The following SULT6B1 variants were observed in gnomAD, a reference collection of about 807,000 sequenced individuals.
SULT6B1 encodes sulfotransferase family 6B member 1, also known as sulfotransferase 6B1.
Under a neutral mutation model 37.2 loss-of-function variants are expected in SULT6B1, and 44 were observed. That is an observed-to-expected ratio of 1.18 (90% CI 0.93 to 1.52). SULT6B1 has a LOEUF of 1.52. Ranked by LOEUF, SULT6B1 falls within the 40% of genes most tolerant of loss-of-function variation. The pLI, the probability that SULT6B1 is intolerant of heterozygous loss-of-function variation, is 0.00. For missense variants in SULT6B1, 450 were observed against 361.0 expected, an observed-to-expected ratio of 1.25 and a Z score of -2.00; for synonymous variants, 140 against 126.0, an observed-to-expected ratio of 1.11 and a Z score of -0.74.
intron 1 of SULT6B1, chr2:37,195,955 G>C (rs1021178179): frequency 6.6e-6 from 1 of 152,312 alleles, no homozygotes; most frequent in Non-Finnish European, 1.5e-5. Flanking sequence ...CCCGGTAGCT[G>C]GGACTACAGG....
intron 5 of SULT6B1, 107 bp from the exon 6 acceptor site, chr2:37,171,697 A>T: frequency 2.1e-6 from 2 of 955,550 alleles, no homozygotes; most frequent in Non-Finnish European, 3.1e-6. Context: ...TCCCTAGTTC[A>T]TCTCATCCCC....
upstream of SULT6B1, among the ~76,000 whole-genome samples, chr2:37,193,582 A>AAGAAGAAGAAGAAGAAGAAG (rs1558454824): frequency 8.0e-6 from 1 of 125,338 alleles, no homozygotes; most frequent in Admixed American, 8.1e-5. Flanking sequence ...AAAAGAAGAA[A>AAGAAGAAGAAGAAGAAGAAG]AAGAAGAAGA....
chr2:37,183,634 T>TCTC (rs1572463396), intron 2 of SULT6B1, 120 bp from the exon 3 acceptor site: 1 of 677,694 alleles, frequency 1.5e-6, no homozygotes, highest in Non-Finnish European at 2.5e-6. Flanking sequence ...CACTATATCT[T>TCTC]CTCCTCCTCC....
chr2:37,194,052 A>G (rs1023718027), intron 1 of SULT6B1, among the ~76,000 whole-genome samples: 1 of 152,236 alleles, frequency 6.6e-6, no homozygotes, highest in African/African-American at 2.4e-5. Context: ...TGACATTTCT[A>G]TACAATTATT....
chr2:37,184,351 C>G (rs1676623956), intron 2 of SULT6B1, among the ~76,000 whole-genome samples: 1 of 152,176 alleles, frequency 6.6e-6, no homozygotes, highest in African/African-American at 2.4e-5. Context: ...GAGAGAAATT[C>G]TTGTCAGTAT....
At chr2:37,193,843 AT>A (rs931280664) in intron 1 of SULT6B1, among the ~76,000 whole-genome samples, 14 of 152,262 alleles carry the variant, frequency 9.2e-5, no homozygotes, top group Admixed American at 1.3e-4. Context: ...CTTTCTAGTC[AT>A]TTGCATCCCT....
intron 1 of SULT6B1, among the ~76,000 whole-genome samples, chr2:37,195,432 G>T (rs1183721377): frequency 6.6e-6 from 1 of 152,206 alleles, no homozygotes; most frequent in Non-Finnish European, 1.5e-5. Context: ...GCTGGACTAG[G>T]GGTGGGGCGG....
At chr2:37,183,336 T>C (rs1308181693) in intron 3 of SULT6B1, 89 bp downstream of exon 3, 15 of 1,005,388 alleles carry the variant, frequency 1.5e-5, no homozygotes, top group Non-Finnish European at 2.2e-5. Flanking sequence ...TAAGCTTCTA[T>C]GAGAAGGAAC....
chr2:37,174,525 T>C (rs1266189325), intron 5 of SULT6B1, among the ~76,000 whole-genome samples: 1 of 152,136 alleles, frequency 6.6e-6, no homozygotes, highest in Non-Finnish European at 1.5e-5. Context: ...CTGGAATTTG[T>C]CCAATCCTTC....
intron 5 of SULT6B1, among the ~76,000 whole-genome samples, chr2:37,172,928 C>T (rs539966382): frequency 1.3e-5 from 2 of 152,136 alleles, no homozygotes; most frequent in Middle Eastern, 3.2e-3. Flanking sequence ...TATCAGCTCA[C>T]TGCAACCTCC....
At chr2:37,192,882 G>A (rs1027483226), upstream of SULT6B1, among the ~76,000 whole-genome samples, 5 of 152,188 alleles carry the variant, frequency 3.3e-5, no homozygotes, top group Admixed American at 3.3e-4. Flanking sequence ...AGGTCAACCT[G>A]TTAACCTTAC....
chr2:37,175,625 G>C lies in SULT6B1; in HGVS notation c.530-399C>G, dbSNP rs1198004827. Among the ~76,000 whole-genome samples, 5 of 152,188 alleles carry C rather than the reference G, an allele frequency of 3.3e-5. No individual in the cohort carries two copies. The East Asian group carries it at 9.6e-4, about 29-fold the overall frequency. On this transcript the variant is annotated intron_variant, in intron 4 of 6. Transcript: ENST00000535679. ...CATCGTTGTTCAATAAAAATGTAAT[G>C]CTAGCCATATACGTAATTTTAAAAA...
chr2:37,169,099 A>G (rs1676241258), intron 6 of SULT6B1, among the ~76,000 whole-genome samples: 1 of 152,210 alleles, frequency 6.6e-6, no homozygotes, highest in African/African-American at 2.4e-5. Flanking sequence ...ATGCTTTATG[A>G]ATTTTCTACA....
intron 6 of SULT6B1, among the ~76,000 whole-genome samples, chr2:37,170,479 T>G (rs1676269541): frequency 7.4e-6 from 1 of 135,416 alleles, no homozygotes; most frequent in Non-Finnish European, 1.6e-5. Context: ...AAAAAATATA[T>G]AAAATAAATA....
intron 6 of SULT6B1, among the ~76,000 whole-genome samples, chr2:37,170,527 T>C (rs1302025388): frequency 6.6e-6 from 1 of 151,918 alleles, no homozygotes; most frequent in African/African-American, 2.4e-5. Context: ...CCAGGTGCAG[T>C]GGCTCACGCC....
At chr2:37,183,668 G>T (rs1015354692) in intron 2 of SULT6B1, among the ~76,000 whole-genome samples, 154 bp from the exon 3 acceptor site, 1 of 152,066 alleles carries the variant, frequency 6.6e-6, no homozygotes, top group Non-Finnish European at 1.5e-5. Context: ...TTTTGAAACA[G>T]AGTCTCACTC....
rs1396784357 is a variant in SULT6B1 at position 37,187,763 on chromosome 2, AAT to A, written c.200-298_200-297del. ...TTATAGGACAATGTTATGTTATAGAAATAGTTTATTATAAGTTGTATATATTA... is the reference window on the plus strand; with the variant it reads ...TTATAGGACAATGTTATGTTATAGAAAGTTTATTATAAGTTGTATATATTA... On this transcript the variant is annotated intron_variant, in intron 1 of 6. Transcript: ENST00000535679. Among the ~76,000 whole-genome samples, 8 of 152,174 alleles carry A rather than the reference AAT, an allele frequency of 5.3e-5. 1 individual carries two copies. Among genetic ancestry groups the A allele is most frequent in the Admixed American group, 4.6e-4 (7 of 15,272 alleles).
intron 3 of SULT6B1, among the ~76,000 whole-genome samples, chr2:37,182,717 G>C (rs1034348806): frequency 6.6e-6 from 1 of 152,088 alleles, no homozygotes; most frequent in Non-Finnish European, 1.5e-5. Context: ...GAACAGAGGG[G>C]AGACCAGGAG....
intron 2 of SULT6B1, among the ~76,000 whole-genome samples, chr2:37,184,072 A>G (rs1210345043): frequency 6.6e-6 from 1 of 152,172 alleles, no homozygotes; most frequent in Non-Finnish European, 1.5e-5. Flanking sequence ...TCATTTTTGT[A>G]ATTTTTTAAA....
Sources: gnomAD v4.1 joint callset for allele counts (sites outside exome capture counted in the v4.1 genomes callset) on GRCh38, gnomAD v4.1.1 for gene constraint, MANE v1.5 for transcripts, NCBI Gene and HGNC (gene_info 2026-07-23, HGNC 2026-07-21) for gene names.